Variants in TSNARE1 observed in about 807,000 individuals in gnomAD.
The protein encoded by TSNARE1 is t-SNARE domain-containing protein 1.
Under a neutral mutation model 62.0 loss-of-function variants are expected in TSNARE1, and 49 were observed. The ratio of observed to expected loss-of-function variants is 0.79; its 90% CI spans 0.63 to 1.00. The LOEUF (loss-of-function observed/expected upper bound fraction) is 1.00. Ranked by LOEUF, TSNARE1 falls within the 50% of genes least tolerant of loss-of-function variation. The pLI, the probability that TSNARE1 is intolerant of heterozygous loss-of-function variation, is 0.00. For synonymous variants in TSNARE1, 328 were observed against 294.4 expected, an observed-to-expected ratio of 1.11 and a Z score of -1.17; for missense variants, 755 against 700.1, an observed-to-expected ratio of 1.08 and a Z score of -0.88.
rs150537920 is a variant in TSNARE1 at position 142,303,877 on chromosome 8, G to A, written c.1132-3233C>T. 1.3e-3 allele frequency among the ~76,000 whole-genome samples: 197 copies of A among 152,242 alleles called. 1 individual carries two copies. Among genetic ancestry groups the A allele is most frequent in the African/African-American group, 4.5e-3 (187 of 41,548 alleles). On this transcript the variant is annotated intron_variant, in intron 9 of 13. Coordinates refer to ENST00000524325, the MANE Select transcript of TSNARE1 (RefSeq NM_145003.5). The stretch of plus-strand genomic sequence containing the variant: ...CAACAGGACCAACAGCCACAGCACC[G>A]GCCACCCCAGGAGGGATGCAGCACG...
Position 142,382,940 on chromosome 8 carries a change from C to T in TSNARE1, c.-40+20164G>A, listed in dbSNP as rs188443116. On this transcript the variant is annotated intron_variant, in intron 1 of 13. Transcript: ENST00000524325. The stretch of plus-strand genomic sequence containing the variant: ...GAGGGCCCGAAGTGCAGGCTCTTCA[C>T]CACTGTGCTGGAAGCACAGCCCCAG... Among the ~76,000 whole-genome samples, 27 of 152,272 alleles carry T rather than the reference C, an allele frequency of 1.8e-4. No individual in the cohort carries two copies. In the East Asian group the frequency reaches 5.2e-3, roughly 30 times the overall value.
intron 1 of TSNARE1, among the ~76,000 whole-genome samples, chr8:142,376,591 C>A (rs371540059): frequency 6.6e-6 from 1 of 152,182 alleles, no homozygotes; most frequent in Non-Finnish European, 1.5e-5. Context: ...AGACTTGTAG[C>A]CTTCAGAGTG....
intron 1 of TSNARE1, among the ~76,000 whole-genome samples, chr8:142,402,389 T>G (rs1192062669): frequency 6.6e-6 from 1 of 152,130 alleles, no homozygotes; most frequent in East Asian, 1.9e-4. Context: ...ATCCTTCACG[T>G]TAAGGACAAT....
chr8:142,305,389 A>T (rs1470365453), intron 9 of TSNARE1, among the ~76,000 whole-genome samples: 1 of 152,146 alleles, frequency 6.6e-6, no homozygotes, highest in Non-Finnish European at 1.5e-5. Context: ...GTGGACGCCC[A>T]GGAAAGCGGC....
intron 2 of TSNARE1, among the ~76,000 whole-genome samples, chr8:142,346,951 G>C (rs979927451): frequency 3.3e-5 from 5 of 152,198 alleles, no homozygotes; most frequent in Non-Finnish European, 4.4e-5. Context: ...CGAGGTGGGC[G>C]AGGGCCCAAA....
chr8:142,399,133 T>C (rs1052290885), intron 1 of TSNARE1, among the ~76,000 whole-genome samples: 3 of 152,224 alleles, frequency 2.0e-5, no homozygotes, highest in African/African-American at 7.2e-5. Context: ...AGAAACCTAT[T>C]CAAGGCACCT....
At chr8:142,215,109 C>T (rs1815768558) in intron 13 of TSNARE1, among the ~76,000 whole-genome samples, 1 of 152,212 alleles carries the variant, frequency 6.6e-6, no homozygotes, top group South Asian at 2.1e-4. Context: ...ACAGAGGTGT[C>T]CCCGGGCCCA....
chr8:142,396,923 G>A (rs1459327965), intron 1 of TSNARE1, among the ~76,000 whole-genome samples: 1 of 152,230 alleles, frequency 6.6e-6, no homozygotes, highest in Non-Finnish European at 1.5e-5. Context: ...GGCTGACCAG[G>A]TAGAGCAAGC....
chr8:142,247,847 G>C (rs1324420805), intron 12 of TSNARE1: 1 of 152,432 alleles, frequency 6.6e-6, no homozygotes, highest in Non-Finnish European at 1.5e-5. Flanking sequence ...GGGATTACAG[G>C]CACCACCGCC....
At chr8:142,253,916 G>A (rs1818301292) in intron 12 of TSNARE1, among the ~76,000 whole-genome samples, 1 of 152,242 alleles carries the variant, frequency 6.6e-6, no homozygotes, top group South Asian at 2.1e-4. Context: ...CCCGACCCAG[G>A]GCTGCCCACT....
At chr8:142,325,620 G>A (rs145674147) in intron 6 of TSNARE1, among the ~76,000 whole-genome samples, 150 of 152,292 alleles carry the variant, frequency 9.8e-4, no homozygotes, top group Middle Eastern at 3.4e-3. Context: ...GACTAACAGG[G>A]AGACCCCAGG....
At chr8:142,330,859 C>T (rs777521572) in intron 6 of TSNARE1, 42 bp downstream of exon 6, 2 of 1,605,872 alleles carry the variant, frequency 1.2e-6, no homozygotes, top group South Asian at 1.1e-5. Context: ...CCCCAATGTG[C>T]ACCACGCCCA....
At chr8:142,355,662 T>C (rs1335589317) in intron 1 of TSNARE1, among the ~76,000 whole-genome samples, 1 of 152,196 alleles carries the variant, frequency 6.6e-6, no homozygotes, top group African/African-American at 2.4e-5. Context: ...TACACCCTAA[T>C]GCTATCACTA....
chr8:142,343,720 G>C (rs1228818653), intron 4 of TSNARE1, among the ~76,000 whole-genome samples: 1 of 146,778 alleles, frequency 6.8e-6, no homozygotes, highest in Admixed American at 6.8e-5. Flanking sequence ...GAATGAACAA[G>C]AACACTCCAG....
chr8:142,305,495 G>A (rs1052665909), intron 9 of TSNARE1, among the ~76,000 whole-genome samples: 7 of 152,150 alleles, frequency 4.6e-5, no homozygotes, highest in Admixed American at 1.3e-4. Context: ...GCTGGGGTGC[G>A]GGCCAGAGGA....
intron 1 of TSNARE1, among the ~76,000 whole-genome samples, chr8:142,364,011 G>C (rs1044627119): frequency 6.6e-6 from 1 of 152,194 alleles, no homozygotes; most frequent in Non-Finnish European, 1.5e-5. Flanking sequence ...TTCTCTAACT[G>C]AAACCTCAAT....
chr8:142,386,067 T>C (rs1024353269), intron 1 of TSNARE1, among the ~76,000 whole-genome samples: 4 of 152,152 alleles, frequency 2.6e-5, no homozygotes, highest in African/African-American at 7.2e-5. Flanking sequence ...CTTCACCACA[T>C]AGCTCTCATT....
intron 12 of TSNARE1, among the ~76,000 whole-genome samples, chr8:142,253,317 T>C (rs973466175): frequency 6.6e-6 from 1 of 152,208 alleles, no homozygotes; most frequent in Non-Finnish European, 1.5e-5. Flanking sequence ...CCAGCGTGCG[T>C]GCCGCGTCTG....
chr8:142,365,838 G>A, intron 1 of TSNARE1: 1 of 383,488 alleles, frequency 2.6e-6, no homozygotes, highest in East Asian at 8.7e-5. Context: ...AATTGTAAAA[G>A]GTGCAAGCAC....
Sources: allele counts gnomAD v4.1 joint callset (sites outside exome capture counted in the v4.1 genomes callset), GRCh38; gene constraint gnomAD v4.1.1; transcripts MANE v1.5; gene names NCBI Gene and HGNC (gene_info 2026-07-23, HGNC 2026-07-21).